Variants in CCBE1 observed in about 807,000 individuals in gnomAD.
CCBE1 encodes the protein collagen and calcium binding EGF domains 1.
Under a neutral mutation model 50.0 loss-of-function variants are expected in CCBE1, and 37 were observed. The ratio of observed to expected loss-of-function variants is 0.74; its 90% CI spans 0.57 to 0.97. The LOEUF is 0.97. Among genes scored for constraint, CCBE1 ranks in the 50% least tolerant of loss-of-function variants. The probability of loss-of-function intolerance (pLI) is 0.00; values close to 1 mark genes in which losing one functional copy is unlikely to be tolerated. For synonymous variants in CCBE1, 234 were observed against 203.7 expected, an observed-to-expected ratio of 1.15 and a Z score of -1.27; for missense variants, 538 against 523.8, an observed-to-expected ratio of 1.03 and a Z score of -0.26.
intron 2 of CCBE1, among the ~76,000 whole-genome samples, chr18:59,491,368 C>T (rs891064937): frequency 1.2e-4 from 18 of 152,278 alleles, no homozygotes; most frequent in Middle Eastern, 3.4e-3. Flanking sequence ...GATTTATACC[C>T]TCACCTTACT....
intron 2 of CCBE1, among the ~76,000 whole-genome samples, chr18:59,620,749 T>C (rs546815985): frequency 3.9e-5 from 6 of 152,168 alleles, no homozygotes; most frequent in African/African-American, 1.2e-4. Flanking sequence ...TGCTCTTCCT[T>C]CTTCTTCTGT....
At chr18:59,636,243 A>T (rs1044650251) in intron 2 of CCBE1, among the ~76,000 whole-genome samples, 2 of 152,216 alleles carry the variant, frequency 1.3e-5, no homozygotes, top group African/African-American at 4.8e-5. Flanking sequence ...GTGGAAGAAG[A>T]AAAAAAGCTA....
intron 2 of CCBE1, among the ~76,000 whole-genome samples, chr18:59,547,567 T>C (rs1915755617): frequency 6.6e-6 from 1 of 152,184 alleles, no homozygotes; most frequent in South Asian, 2.1e-4. Context: ...AGGTGACAGA[T>C]GACCAACATC....
At chr18:59,648,710 G>A (rs1225741877) in intron 2 of CCBE1, among the ~76,000 whole-genome samples, 1 of 152,022 alleles carries the variant, frequency 6.6e-6, no homozygotes, top group African/African-American at 2.4e-5. Context: ...TCAAAAGAAC[G>A]AAAAAGACAC....
At chr18:59,467,809 C>T (rs1911823409) in intron 4 of CCBE1, among the ~76,000 whole-genome samples, 2 of 152,174 alleles carry the variant, frequency 1.3e-5, no homozygotes, top group South Asian at 4.1e-4. Context: ...CAGCCACTCC[C>T]TGCACAAGCT....
intron 2 of CCBE1, among the ~76,000 whole-genome samples, chr18:59,638,199 T>C (rs1048768203): frequency 3.9e-5 from 6 of 152,176 alleles, no homozygotes; most frequent in African/African-American, 1.4e-4. Context: ...ATCAATAAAA[T>C]TTGACAGTGA....
rs534775240 is a variant in CCBE1 at position 59,625,794 on chromosome 18, G to T, written c.212+70835C>A. ...TGTGTTGAAACTTGATTCCCATTGTGTTGGTACTGAGGGGTGGGGTCTTTG... is the reference window on the plus strand; with the variant it reads ...TGTGTTGAAACTTGATTCCCATTGTTTTGGTACTGAGGGGTGGGGTCTTTG... On this transcript the variant is annotated intron_variant, in intron 2 of 10. Transcript: ENST00000439986. Among the ~76,000 whole-genome samples the T allele has an allele frequency of 3.9e-5, 6 of 152,098 alleles. No individual in the cohort carries two copies. The South Asian group carries it at 1.2e-3, about 32-fold the overall frequency.
Position 59,481,032 on chromosome 18 carries a change from A to C in CCBE1, c.213-794T>G, listed in dbSNP as rs141030010. Among the ~76,000 whole-genome samples the C allele has an allele frequency of 3.1e-3, 477 of 152,314 alleles. 2 individuals carry two copies. The highest frequency in any genetic ancestry group is 3.6e-3 in the Non-Finnish European group (244 of 68,016). On this transcript the variant is annotated intron_variant, in intron 2 of 10. Transcript: ENST00000439986. ...AATGCTGCAATCTCCAAAATAACCT[A>C]TATGTTGGAATTATCAGACTTTAAA...
intron 3 of CCBE1, among the ~76,000 whole-genome samples, chr18:59,470,728 C>A (rs571132278): frequency 6.6e-6 from 1 of 152,132 alleles, no homozygotes; most frequent in Admixed American, 6.5e-5. Flanking sequence ...ACTCCCGGAC[C>A]GGAGCCAGCA....
intron 2 of CCBE1, among the ~76,000 whole-genome samples, chr18:59,690,247 T>C (rs2054711772): frequency 6.6e-6 from 1 of 152,142 alleles, no homozygotes; most frequent in African/African-American, 2.4e-5. Context: ...AATTAGTCAA[T>C]AGCTAATTAA....
chr18:59,555,138 A>G (rs2052637579), intron 2 of CCBE1, among the ~76,000 whole-genome samples: 1 of 152,220 alleles, frequency 6.6e-6, no homozygotes, highest in Non-Finnish European at 1.5e-5. Flanking sequence ...CACATGAATA[A>G]TGAGACATAT....
At chr18:59,492,325 A>G (rs770684889) in intron 2 of CCBE1, among the ~76,000 whole-genome samples, 6 of 151,936 alleles carry the variant, frequency 3.9e-5, no homozygotes, top group Non-Finnish European at 5.9e-5. Context: ...CCGTTTTCCC[A>G]TATCTGCTAT....
Position 59,495,168 on chromosome 18 carries a change from T to G in CCBE1, c.213-14930A>C, listed in dbSNP as rs150019797. Among the ~76,000 whole-genome samples the G allele has an allele frequency of 2.4e-3, 367 of 152,182 alleles. 1 individual carries two copies. The highest frequency in any genetic ancestry group is 8.4e-3 in the African/African-American group (349 of 41,510). ...AATAATTCCTTCTAGCTCATGTTTC[T>G]TTTTTTCCCCTGAGGATGGAGGTGT... is the stretch of plus-strand genomic sequence containing the variant. On this transcript the variant is annotated intron_variant, in intron 2 of 10. Transcript: ENST00000439986.
chr18:59,591,872 G>A (rs750448609), intron 2 of CCBE1, among the ~76,000 whole-genome samples: 3 of 152,164 alleles, frequency 2.0e-5, no homozygotes, highest in Admixed American at 6.5e-5. Context: ...ATTATGTATC[G>A]TTACAAAACA....
intron 2 of CCBE1, among the ~76,000 whole-genome samples, chr18:59,655,248 G>A (rs1469421131): frequency 6.6e-6 from 1 of 152,176 alleles, no homozygotes; most frequent in Non-Finnish European, 1.5e-5. Context: ...TTTAGATAAT[G>A]TTGGTTTGTG....
At chr18:59,583,591 G>A (rs2053119502) in intron 2 of CCBE1, among the ~76,000 whole-genome samples, 1 of 152,038 alleles carries the variant, frequency 6.6e-6, no homozygotes, top group Non-Finnish European at 1.5e-5. Flanking sequence ...GATTTATTAT[G>A]AGGAGGAAAA....
chr18:59,519,223 GCTTTTTAGCCCCTCCAC>G (rs1321119646), intron 2 of CCBE1, among the ~76,000 whole-genome samples: 3 of 152,180 alleles, frequency 2.0e-5, no homozygotes, highest in Non-Finnish European at 4.4e-5. Context: ...CTGTGGTCCA[GCTTTTTAGCCCCTCCAC>G]CTTTTTAGCC....
chr18:59,593,229 A>G (rs2144541031), intron 2 of CCBE1, among the ~76,000 whole-genome samples: 1 of 152,326 alleles, frequency 6.6e-6, no homozygotes, highest in South Asian at 2.1e-4. Flanking sequence ...TTGAAAAAAG[A>G]CTAAATGCCT....
intron 2 of CCBE1, among the ~76,000 whole-genome samples, chr18:59,605,157 C>T (rs1337367960): frequency 1.3e-5 from 2 of 152,134 alleles, no homozygotes; most frequent in Non-Finnish European, 2.9e-5. Flanking sequence ...AGGCTGCTCC[C>T]CCTAGGAGGC....
Sources: allele counts gnomAD v4.1 joint callset (sites outside exome capture counted in the v4.1 genomes callset), GRCh38; gene constraint gnomAD v4.1.1; transcripts MANE v1.5; gene names NCBI Gene and HGNC (gene_info 2026-07-23, HGNC 2026-07-21).